The following FGGY variants were observed in gnomAD, a reference collection of about 807,000 sequenced individuals.
FGGY encodes the protein FGGY carbohydrate kinase domain containing.
A neutral mutation model predicts 71.3 loss-of-function variants in FGGY; 72 were observed. That is an observed-to-expected ratio of 1.01 (90% CI 0.84 to 1.23). FGGY has a LOEUF of 1.23. Among genes scored for constraint, FGGY ranks in the 50% most tolerant of loss-of-function variants. FGGY has a pLI of 0.00. For synonymous variants in FGGY, 251 were observed against 250.3 expected, an observed-to-expected ratio of 1.00 and a Z score of -0.02; for missense variants, 668 against 682.3, an observed-to-expected ratio of 0.98 and a Z score of 0.23.
intron 6 of FGGY, among the ~76,000 whole-genome samples, chr1:59,460,074 G>A (rs1329484157): frequency 1.3e-5 from 2 of 152,146 alleles, no homozygotes; most frequent in South Asian, 2.1e-4. Flanking sequence ...TTGAGTGGAG[G>A]GAGGCTGCTT....
At position 59,473,004 on chromosome 1, in the gene FGGY, C is replaced by T. The variant is rs866284072; in HGVS notation, c.670+15928C>T. ...CAGCACTCTGTCAAAACAGACCACT[C>T]GGCTCTACCAATCAGCAGGTTGTGG... On this transcript the variant is annotated intron_variant, in intron 6 of 15. Transcript: ENST00000303721. Among the ~76,000 whole-genome samples the T allele has an allele frequency of 4.6e-5, 7 of 152,274 alleles. No individual in the cohort carries two copies. In the South Asian group the frequency reaches 6.2e-4, roughly 14 times the overall value.
chr1:59,300,946 A>G (rs923876986), intron 1 of FGGY, among the ~76,000 whole-genome samples: 3 of 152,070 alleles, frequency 2.0e-5, no homozygotes, highest in Non-Finnish European at 4.4e-5. Context: ...ATTTGTTTTG[A>G]TTATTCTAGG....
intron 4 of FGGY, among the ~76,000 whole-genome samples, chr1:59,370,038 C>A (rs1228939817): frequency 6.6e-6 from 1 of 152,128 alleles, no homozygotes; most frequent in Non-Finnish European, 1.5e-5. Flanking sequence ...CAGTTCCTCA[C>A]CAGCAATGGA....
At chr1:59,464,257 G>A (rs1398055058) in intron 6 of FGGY, among the ~76,000 whole-genome samples, 2 of 152,200 alleles carry the variant, frequency 1.3e-5, no homozygotes, top group Non-Finnish European at 2.9e-5. Context: ...ACCTGCTCCT[G>A]AATGACTACT....
At position 59,520,676 on chromosome 1, in the gene FGGY, T is replaced by C. The variant is rs114319249; in HGVS notation, c.799+8237T>C. Among the ~76,000 whole-genome samples, 218 of 152,284 alleles carry C rather than the reference T, an allele frequency of 1.4e-3. 1 individual carries two copies. The highest frequency in any genetic ancestry group is 4.8e-3 in the African/African-American group (200 of 41,556). ...TTATTAGTAATTAAGATAATAAATA[T>C]AAGAGGGTTTTGAAAAATCCAGAAT... On this transcript the variant is annotated intron_variant, in intron 7 of 15. Transcript: ENST00000303721.
chr1:59,634,042 TA>T (rs1414591139), intron 10 of FGGY, among the ~76,000 whole-genome samples: 11 of 152,042 alleles, frequency 7.2e-5, no homozygotes, highest in Non-Finnish European at 1.0e-4. Context: ...ACAAAGAGGG[TA>T]TTGTTCCTCA....
intron 5 of FGGY, among the ~76,000 whole-genome samples, chr1:59,422,000 G>A (rs1388406628): frequency 6.6e-6 from 1 of 152,188 alleles, no homozygotes; most frequent in Admixed American, 6.5e-5. Flanking sequence ...GGCTTTGAGA[G>A]TGTGCTGTGA....
chr1:59,614,291 T>G (rs1448097135), intron 9 of FGGY, among the ~76,000 whole-genome samples: 1 of 152,152 alleles, frequency 6.6e-6, no homozygotes, highest in East Asian at 1.9e-4. Flanking sequence ...ATCAAAAAGC[T>G]TATCCACCAT....
At chr1:59,538,564 A>T (rs545887741) in intron 7 of FGGY, among the ~76,000 whole-genome samples, 1 of 139,780 alleles carries the variant, frequency 7.2e-6, no homozygotes, top group Admixed American at 6.9e-5. Context: ...TTGTGGCATT[A>T]TTCACAATAG....
At chr1:59,427,511 C>T (rs999669729) in intron 5 of FGGY, among the ~76,000 whole-genome samples, 1 of 152,216 alleles carries the variant, frequency 6.6e-6, no homozygotes, top group African/African-American at 2.4e-5. Flanking sequence ...AGTCCAGGCT[C>T]TCTGGACTCG....
At chr1:59,699,357 T>C in intron 14 of FGGY, 1 of 985,404 alleles carries the variant, frequency 1.0e-6, no homozygotes, top group Non-Finnish European at 1.2e-6. Context: ...TGCATAGTTA[T>C]TGAAAGTGTT....
chr1:59,328,195 T>C (rs2047777340), intron 2 of FGGY, among the ~76,000 whole-genome samples: 1 of 152,236 alleles, frequency 6.6e-6, no homozygotes, highest in Non-Finnish European at 1.5e-5. Flanking sequence ...TCTTCCAATA[T>C]AAGGCTGTTT....
chr1:59,387,523 A>T (rs1341671780), intron 5 of FGGY, among the ~76,000 whole-genome samples: 1 of 152,134 alleles, frequency 6.6e-6, no homozygotes, highest in Non-Finnish European at 1.5e-5. Flanking sequence ...AATGATGTTT[A>T]TGTCAATTGC....
In FGGY at chr1:59,638,252, G is replaced by T; in HGVS notation, c.1098G>T (p.Leu366Phe). The change falls in exon 11 of 16, where the codon TTG becomes TTT. Residue 366 changes from leucine to phenylalanine, a missense_variant. Transcript: ENST00000303721. ...GATGCCAGAGTATATATGCATATTT[G>T]AACAGTCACCTGGATCTGATTAAGA... The part of the protein sequence containing the change: ...TARCQSIYAY[L>F]NSHLDLIKKA... 2 of 1,614,070 alleles carry T rather than the reference G, an allele frequency of 1.2e-6. No individual in the cohort carries two copies. The highest frequency in any genetic ancestry group is 1.7e-6 in the Non-Finnish European group (2 of 1,180,016).
At chr1:59,744,846 C>A (rs1007029738) in intron 14 of FGGY, among the ~76,000 whole-genome samples, 1 of 152,136 alleles carries the variant, frequency 6.6e-6, no homozygotes, top group Non-Finnish European at 1.5e-5. Flanking sequence ...ATCTCACAGT[C>A]CAGTGGGGAG....
chr1:59,502,360 T>C (rs1207094957), intron 6 of FGGY, among the ~76,000 whole-genome samples: 2 of 152,190 alleles, frequency 1.3e-5, no homozygotes, highest in South Asian at 2.1e-4. Context: ...TGTTGGATTG[T>C]AGAGGAAAGA....
intron 8 of FGGY, among the ~76,000 whole-genome samples, chr1:59,591,619 C>G (rs1369053097): frequency 6.6e-6 from 1 of 152,112 alleles, no homozygotes; most frequent in African/African-American, 2.4e-5. Flanking sequence ...GGACAGAGCC[C>G]TCAGAAATAA....
chr1:59,380,301 G>A (rs2059250104), intron 5 of FGGY, among the ~76,000 whole-genome samples: 1 of 151,432 alleles, frequency 6.6e-6, no homozygotes, highest in Non-Finnish European at 1.5e-5. Context: ...AATCCTTTGG[G>A]TATATACCCA....
At chr1:59,296,552 C>T (rs1338928467), upstream of FGGY, 1 of 152,478 alleles carries the variant, frequency 6.6e-6, no homozygotes, top group Non-Finnish European at 1.5e-5. Flanking sequence ...CAGCCCTGCC[C>T]GCGGTTGGCT....
Sources: allele counts gnomAD v4.1 joint callset (sites outside exome capture counted in the v4.1 genomes callset), GRCh38; gene constraint gnomAD v4.1.1; transcripts MANE v1.5; gene names NCBI Gene and HGNC (gene_info 2026-07-23, HGNC 2026-07-21).